ASTN1: variants seen among roughly 807,000 people sequenced by gnomAD.
ASTN1 encodes astrotactin-1.
Under a neutral mutation model 140.7 loss-of-function variants are expected in ASTN1, and 41 were observed. The observed-to-expected ratio is 0.29, with a 90% CI of 0.23 to 0.38. The LOEUF (loss-of-function observed/expected upper bound fraction) is 0.38, where lower values mean the gene tolerates loss of function less well. Among genes scored for constraint, ASTN1 ranks in the 10% least tolerant of loss-of-function variants. The pLI is 1.00. For synonymous variants in ASTN1, 640 were observed against 652.2 expected, an observed-to-expected ratio of 0.98 and a Z score of 0.29; for missense variants, 1,479 against 1,678.8, an observed-to-expected ratio of 0.88 and a Z score of 2.08.
chr1:177,004,966 A>G (rs758411211), intron 8 of ASTN1, among the ~76,000 whole-genome samples: 1 of 152,212 alleles, frequency 6.6e-6, no homozygotes, highest in Non-Finnish European at 1.5e-5. Context: ...AAAACCAAAA[A>G]CAAATCAATG....
chr1:177,020,335 G>A (rs1675761740), intron 7 of ASTN1, among the ~76,000 whole-genome samples: 1 of 152,170 alleles, frequency 6.6e-6, no homozygotes, highest in African/African-American at 2.4e-5. Context: ...GGCGTCTATA[G>A]AGCTATGTTG....
intron 8 of ASTN1, among the ~76,000 whole-genome samples, chr1:176,982,340 G>A (rs1430824740): frequency 6.6e-6 from 1 of 152,224 alleles, no homozygotes; most frequent in Non-Finnish European, 1.5e-5. Context: ...TCAGGATGAA[G>A]GGAATGCCTT....
At chr1:176,919,453 A>G (rs545444305) in intron 16 of ASTN1, among the ~76,000 whole-genome samples, 1 of 152,112 alleles carries the variant, frequency 6.6e-6, no homozygotes, top group African/African-American at 2.4e-5. Flanking sequence ...AAGGAATCAC[A>G]CTTCTTTTTT....
At chr1:177,144,150 ATTT>A (rs11389941) in intron 1 of ASTN1, among the ~76,000 whole-genome samples, 1 of 139,582 alleles carries the variant, frequency 7.2e-6, no homozygotes, top group Non-Finnish European at 1.6e-5. Context: ...CTGGAACATG[ATTT>A]TTTTTTTTTT....
At chr1:176,947,667 A>T (rs1672013531) in intron 12 of ASTN1, among the ~76,000 whole-genome samples, 1 of 152,178 alleles carries the variant, frequency 6.6e-6, no homozygotes, top group East Asian at 1.9e-4. Flanking sequence ...GAGCAATAGC[A>T]CAGTGTTTCT....
At chr1:176,979,371 G>C (rs1170038391) in intron 8 of ASTN1, among the ~76,000 whole-genome samples, 1 of 151,714 alleles carries the variant, frequency 6.6e-6, no homozygotes, top group Non-Finnish European at 1.5e-5. Context: ...GGGCCATCCA[G>C]GGTGCCCTAG....
At chr1:176,875,654 T>C (rs1385922265) in intron 21 of ASTN1, among the ~76,000 whole-genome samples, 1 of 152,304 alleles carries the variant, frequency 6.6e-6, no homozygotes, top group East Asian at 1.9e-4. Flanking sequence ...TCAGGAGCCA[T>C]ATATAAGATG....
At position 176,936,513 on chromosome 1, in the gene ASTN1, C is replaced by A. The variant is rs369494418; in HGVS notation, c.2378-143G>T. 4 of 682,012 alleles carry A rather than the reference C, an allele frequency of 5.9e-6. No individual in the cohort carries two copies. In the African/African-American group the frequency reaches 7.2e-5, roughly 12 times the overall value. 42.2% of individuals were successfully genotyped at this position (682,012 alleles called of 1,614,324 possible). Reference sequence around the variant, plus strand: ...TCTTTGATGAAGAGAATTTCTGGAACCATAGTAACAACAGTTATCATTTAT... The same window carrying A: ...TCTTTGATGAAGAGAATTTCTGGAAACATAGTAACAACAGTTATCATTTAT... On this transcript the variant is annotated intron_variant, in intron 14 of 22. Coordinates refer to ENST00000361833, the MANE Select transcript of ASTN1 (RefSeq NM_004319.3).
At chr1:177,004,562 T>C (rs1674903088) in intron 8 of ASTN1, among the ~76,000 whole-genome samples, 1 of 152,174 alleles carries the variant, frequency 6.6e-6, no homozygotes, top group Admixed American at 6.6e-5. Flanking sequence ...ATGCATCATA[T>C]TACCTGATCT....
At chr1:176,935,223 C>T (rs1405467967) in intron 15 of ASTN1, among the ~76,000 whole-genome samples, 1 of 152,216 alleles carries the variant, frequency 6.6e-6, no homozygotes, top group Admixed American at 6.5e-5. Flanking sequence ...CTTGAGACCT[C>T]AGGTGCTGAG....
chr1:177,074,052 C>T (rs1678774324), intron 1 of ASTN1, among the ~76,000 whole-genome samples: 1 of 151,926 alleles, frequency 6.6e-6, no homozygotes, highest in African/African-American at 2.4e-5. Flanking sequence ...CCTTTTTTAG[C>T]CATGACTTCA....
intron 1 of ASTN1, among the ~76,000 whole-genome samples, chr1:177,141,077 G>C (rs1269587770): frequency 1.3e-5 from 2 of 152,014 alleles, no homozygotes; most frequent in African/African-American, 4.8e-5. Context: ...TTAGCCGGAC[G>C]TGGTGGCAGG....
intron 7 of ASTN1, among the ~76,000 whole-genome samples, chr1:177,015,384 G>A (rs1341799272): frequency 1.3e-5 from 2 of 152,206 alleles, no homozygotes; most frequent in African/African-American, 4.8e-5. Context: ...AAGTGACAGA[G>A]TTAATGTTTG....
chr1:176,860,425 T>C (rs1183621645), downstream of ASTN1, among the ~76,000 whole-genome samples: 1 of 152,214 alleles, frequency 6.6e-6, no homozygotes, highest in Non-Finnish European at 1.5e-5. Context: ...TGTTGAAGAA[T>C]TTAAATAGAA....
chr1:176,911,578 C>T (rs910248713), intron 16 of ASTN1, among the ~76,000 whole-genome samples: 11 of 151,508 alleles, frequency 7.3e-5, no homozygotes, highest in Middle Eastern at 3.4e-3. Flanking sequence ...TTGTTAAAAA[C>T]GAAGACACAA....
intron 1 of ASTN1, among the ~76,000 whole-genome samples, chr1:177,149,205 A>T (rs1321653692): frequency 1.1e-4 from 12 of 104,954 alleles, no homozygotes; most frequent in African/African-American, 4.7e-4. Context: ...AAATATATAT[A>T]GTGTATATAT....
intron 1 of ASTN1, among the ~76,000 whole-genome samples, chr1:177,145,789 T>C (rs574780622): frequency 2.7e-4 from 41 of 152,322 alleles, no homozygotes; most frequent in Non-Finnish European, 5.1e-4. Context: ...AATGTTGTAA[T>C]AGAGATATAA....
chr1:176,905,733 A>T (rs1339797330), intron 16 of ASTN1, among the ~76,000 whole-genome samples: 1 of 151,672 alleles, frequency 6.6e-6, no homozygotes, highest in Non-Finnish European at 1.5e-5. Context: ...AAATGTGCTG[A>T]GTGGATCAGG....
At chr1:176,961,384 C>A (rs1194984933) in intron 9 of ASTN1, among the ~76,000 whole-genome samples, 1 of 152,182 alleles carries the variant, frequency 6.6e-6, no homozygotes, top group Admixed American at 6.5e-5. Flanking sequence ...CTGGTAAGAT[C>A]AAGGTGAAAC....
Sources: gnomAD v4.1 joint callset for allele counts (sites outside exome capture counted in the v4.1 genomes callset) on GRCh38, gnomAD v4.1.1 for gene constraint, MANE v1.5 for transcripts, NCBI Gene and HGNC (gene_info 2026-07-23, HGNC 2026-07-21) for gene names.